Variants in ZFHX3 observed in about 807,000 individuals in gnomAD.
ZFHX3 encodes the protein zinc finger homeobox 3, also known as zinc finger homeobox protein 3.
ZFHX3 carries 42 observed loss-of-function variants against 279.1 expected under a neutral mutation model. The ratio of observed to expected loss-of-function variants is 0.15; its 90% confidence interval spans 0.12 to 0.19. The LOEUF (loss-of-function observed/expected upper bound fraction) is 0.19, where lower values mean the gene tolerates loss of function less well. Ranked by LOEUF, ZFHX3 falls within the 10% of genes least tolerant of loss-of-function variation. ZFHX3 has a pLI of 1.00. For synonymous variants in ZFHX3, 2,293 were observed against 1,957.8 expected, an observed-to-expected ratio of 1.17 and a Z score of -4.52; for missense variants, 4,981 against 4,754.0, an observed-to-expected ratio of 1.05 and a Z score of -1.40.
intron 5 of ZFHX3, among the ~76,000 whole-genome samples, chr16:73,209,548 G>T (rs985299612): frequency 6.6e-6 from 1 of 152,150 alleles, no homozygotes; most frequent in Non-Finnish European, 1.5e-5. Flanking sequence ...CCTTTTTATA[G>T]CAACATTAAT....
intron 1 of ZFHX3, among the ~76,000 whole-genome samples, chr16:72,993,824 T>C (rs1963180794): frequency 6.6e-6 from 1 of 152,126 alleles, no homozygotes; most frequent in Non-Finnish European, 1.5e-5. Context: ...AATTACACCC[T>C]AGACGTCTTC....
chr16:73,122,155 A>G (rs770060541), intron 7 of ZFHX3, among the ~76,000 whole-genome samples: 5 of 152,114 alleles, frequency 3.3e-5, no homozygotes, highest in Non-Finnish European at 7.3e-5. Context: ...AAATTAATTA[A>G]TGGATAGCCA....
At chr16:73,315,134 A>G (rs1473346599) in intron 4 of ZFHX3, among the ~76,000 whole-genome samples, 1 of 151,974 alleles carries the variant, frequency 6.6e-6, no homozygotes, top group East Asian at 1.9e-4. Flanking sequence ...GGGCTGAGGC[A>G]GGAGAAGCGC....
chr16:73,717,495 T>C (rs1036752581), intron 1 of ZFHX3, among the ~76,000 whole-genome samples: 5 of 152,158 alleles, frequency 3.3e-5, no homozygotes. Flanking sequence ...AAATATTTCT[T>C]AAGATGAGAA....
intron 1 of ZFHX3, among the ~76,000 whole-genome samples, chr16:73,813,245 C>A (rs1310461656): frequency 6.7e-6 from 1 of 150,242 alleles, no homozygotes; most frequent in Admixed American, 6.6e-5. Flanking sequence ...CTCTCTCTCT[C>A]TCTCTCTCTC....
At chr16:73,421,499 A>G (rs753567985) in intron 3 of ZFHX3, 1 of 152,246 alleles carries the variant, frequency 6.6e-6, no homozygotes, top group Non-Finnish European at 1.5e-5. Flanking sequence ...TTACATAAAT[A>G]TCTTTAGGAT....
intron 5 of ZFHX3, among the ~76,000 whole-genome samples, chr16:73,148,850 G>A (rs182997202): frequency 6.6e-6 from 1 of 151,688 alleles, no homozygotes; most frequent in African/African-American, 2.4e-5. Context: ...AGGAGGCTGA[G>A]GCAGTAGAAC....
intron 2 of ZFHX3, among the ~76,000 whole-genome samples, chr16:73,580,666 T>C (rs975530620): frequency 2.0e-5 from 3 of 151,820 alleles, no homozygotes; most frequent in Non-Finnish European, 1.5e-5. Context: ...GGTATTCAAT[T>C]AGTGATGCAT....
intron 3 of ZFHX3, among the ~76,000 whole-genome samples, chr16:72,921,943 G>T (rs767002693): frequency 3.9e-5 from 6 of 152,182 alleles, no homozygotes; most frequent in Admixed American, 1.3e-4. Context: ...TCCCAGCCGG[G>T]TGCGGAGGCA....
chr16:73,546,671 T>TTGC (rs57427757), intron 2 of ZFHX3, among the ~76,000 whole-genome samples: 6,200 of 143,420 alleles, frequency 0.043, 174 homozygotes, highest in Non-Finnish European at 0.056. Context: ...GGTGCTGCTG[T>TTGC]TGCTGCTGCT....
chr16:73,607,776 T>TG (rs752162099), intron 2 of ZFHX3, among the ~76,000 whole-genome samples: 17 of 152,226 alleles, frequency 1.1e-4, no homozygotes, highest in Non-Finnish European at 2.2e-4. Flanking sequence ...ACAAGAAGAA[T>TG]GGGAGAAGGT....
At chr16:73,204,151 G>T (rs538836021) in intron 5 of ZFHX3, among the ~76,000 whole-genome samples, 2 of 152,086 alleles carry the variant, frequency 1.3e-5, no homozygotes, top group East Asian at 1.9e-4. Context: ...TGGCATCAGG[G>T]ACTGGTTTCA....
chr16:73,090,855 G>A (rs138079940), intron 8 of ZFHX3, among the ~76,000 whole-genome samples: 3,173 of 145,834 alleles, frequency 0.022, 107 homozygotes, highest in African/African-American at 0.077. Flanking sequence ...AGGCTGCAGT[G>A]AACCATGATT....
At chr16:73,658,446 G>C (rs2052745169) in intron 2 of ZFHX3, among the ~76,000 whole-genome samples, 1 of 152,106 alleles carries the variant, frequency 6.6e-6, no homozygotes, top group Admixed American at 6.6e-5. Flanking sequence ...GGGATTATAG[G>C]CATGCGCCAC....
intron 1 of ZFHX3, among the ~76,000 whole-genome samples, chr16:72,966,651 T>C (rs1455305590): frequency 6.6e-6 from 1 of 152,202 alleles, no homozygotes; most frequent in African/African-American, 2.4e-5. Flanking sequence ...TCGGAATGGC[T>C]GAACACACAC....
chr16:73,598,513 G>C (rs1424525987), intron 2 of ZFHX3, among the ~76,000 whole-genome samples: 1 of 149,898 alleles, frequency 6.7e-6, no homozygotes. Flanking sequence ...AAACTCTCAG[G>C]CTCAAGCAAT....
chr16:73,643,647 C>A (rs931052125), intron 2 of ZFHX3, among the ~76,000 whole-genome samples: 1 of 152,178 alleles, frequency 6.6e-6, no homozygotes, highest in Non-Finnish European at 1.5e-5. Flanking sequence ...GTGTTCCTTC[C>A]GAGCAATTCC....
At chr16:73,125,365 A>C (rs1966552039) in intron 7 of ZFHX3, 1 of 152,038 alleles carries the variant, frequency 6.6e-6, no homozygotes, top group Non-Finnish European at 1.5e-5. Flanking sequence ...AATTTATTTA[A>C]TCTTCATAGC....
chr16:73,811,297 G>C (rs1427063092), intron 1 of ZFHX3, among the ~76,000 whole-genome samples: 2 of 152,144 alleles, frequency 1.3e-5, no homozygotes, highest in African/African-American at 4.8e-5. Flanking sequence ...CTTCGGCAAA[G>C]CCCCACTAGT....
Sources: gnomAD v4.1 joint callset for allele counts (sites outside exome capture counted in the v4.1 genomes callset) on GRCh38, gnomAD v4.1.1 for gene constraint, MANE v1.5 for transcripts, NCBI Gene and HGNC (gene_info 2026-07-23, HGNC 2026-07-21) for gene names.